The following C1orf94 variants were observed in gnomAD, a reference collection of about 807,000 sequenced individuals.
C1orf94 encodes chromosome 1 open reading frame 94, also known as uncharacterized protein C1orf94.
Under a neutral mutation model 53.6 loss-of-function variants are expected in C1orf94, and 45 were observed. The ratio of observed to expected loss-of-function variants is 0.84; its 90% CI spans 0.66 to 1.08. C1orf94 has a LOEUF of 1.08. Ranked by LOEUF, C1orf94 falls within the 50% of genes least tolerant of loss-of-function variation. The pLI is 0.00. For missense variants in C1orf94, 762 were observed against 738.9 expected (o/e 1.03, Z -0.36); for synonymous variants, 304 against 296.1 (o/e 1.03, Z -0.27).
chr1:34,187,827 C>G (rs1260277538), intron 1 of C1orf94, among the ~76,000 whole-genome samples: 8 of 139,370 alleles, frequency 5.7e-5, no homozygotes, highest in Non-Finnish European at 9.2e-5. Context: ...CCCAACTCAC[C>G]TGTTCCCTGG....
At chr1:34,185,301 T>C (rs1056428454) in intron 1 of C1orf94, among the ~76,000 whole-genome samples, 4 of 152,182 alleles carry the variant, frequency 2.6e-5, no homozygotes, top group Non-Finnish European at 4.4e-5. Flanking sequence ...TGCCTCAGCC[T>C]CCCAAGTAGC....
rs747103106 is a variant in C1orf94 at position 34,202,259 on chromosome 1, G to A, written c.1446G>A (p.Gln482=). Residue 482 remains glutamine (Q), a splice_region_variant and synonymous_variant, in exon 4 of 7, where the codon CAG becomes CAA. Transcript: ENST00000488417. ...ATCACTCTACCTTCTTGCAGTATCA[G>A]GTCAGTGAGCTGGCCTGGCTCTCCT... The part of the protein sequence containing the change: ...FTNHSTFLQY[Q]GLYPQQAARM... 1 of 1,613,924 alleles carries A rather than the reference G, an allele frequency of 6.2e-7. No individual in the cohort carries two copies. The highest frequency in any genetic ancestry group is 1.7e-5 in the Admixed American group (1 of 59,992).
chr1:34,182,554 A>G (rs892678503), intron 1 of C1orf94, among the ~76,000 whole-genome samples: 51 of 152,156 alleles, frequency 3.4e-4, no homozygotes, highest in African/African-American at 1.1e-3. Context: ...TAATGGTGGC[A>G]GTGGCTGGGT....
At chr1:34,214,109 C>A (rs1277923107) in intron 6 of C1orf94, among the ~76,000 whole-genome samples, 1 of 152,186 alleles carries the variant, frequency 6.6e-6, no homozygotes, top group Non-Finnish European at 1.5e-5. Context: ...AATGTTAGTG[C>A]CCTGGCAAAG....
At chr1:34,191,547 G>A (rs1454555832) in intron 1 of C1orf94, among the ~76,000 whole-genome samples, 1 of 152,132 alleles carries the variant, frequency 6.6e-6, no homozygotes, top group Non-Finnish European at 1.5e-5. Flanking sequence ...CCAAAGCCAT[G>A]AGGTCAGTCT....
rs371920776 is a variant in C1orf94 at position 34,197,480 on chromosome 1, C to T, written c.576C>T (p.Pro192=). The stretch of plus-strand genomic sequence containing the variant: ...TTCTGAAGCAGAAGGTGGCCATGCC[C>T]GTTATCAGCAGCAGGCAGGACTGTG... ...DKLLKQKVAM[P]VISSRQDCDS... Residue 192 remains proline, a synonymous_variant, in exon 2 of 7, where the codon CCC becomes CCT. Transcript: ENST00000488417. This position sits in a 1 kb window ranked among gnomAD's most constrained non-coding sequence, Gnocchi z 4.1. The T allele has an allele frequency of 3.0e-5, 48 of 1,613,966 alleles. No individual in the cohort carries two copies. Among genetic ancestry groups the T allele is most frequent in the Non-Finnish European group, 3.4e-5 (40 of 1,180,018 alleles).
chr1:34,188,518 C>T (rs534690376), intron 1 of C1orf94, among the ~76,000 whole-genome samples: 8 of 152,052 alleles, frequency 5.3e-5, no homozygotes, highest in Non-Finnish European at 1.0e-4. Context: ...CCGAGGTCTC[C>T]GTGATTCCCC....
In C1orf94 at chr1:34,202,232, G is replaced by C. The variant is rs564773544; in HGVS notation, c.1419G>C (p.Thr473=). The change falls in exon 4 of 7, where the codon ACG becomes ACC. Residue 473 remains threonine (T), a synonymous_variant. Coordinates refer to ENST00000488417, the MANE Select transcript of C1orf94 (RefSeq NM_001134734.2). ...ACTATCCACCTCCACCAGTGTTCAC[G>C]AATCACTCTACCTTCTTGCAGTATC... is the stretch of plus-strand genomic sequence containing the variant. The part of the protein sequence containing the change: ...NLNYPPPPVF[T]NHSTFLQYQG... 6.2e-7 allele frequency: 1 copy of C among 1,614,154 alleles called. No homozygotes were observed. The highest frequency in any genetic ancestry group is 8.5e-7 in the Non-Finnish European group (1 of 1,180,014).
At position 34,212,247 on chromosome 1, in the gene C1orf94, T is replaced by C; in HGVS notation, c.1562T>C (p.Ile521Thr). The change falls in exon 6 of 7, where the codon ATC becomes ACC. Residue 521 changes from isoleucine to threonine, a missense_variant. Physicochemically the swap from Ile to Thr is moderately conservative, Grantham distance 89 (BLOSUM62 -1). Coordinates refer to ENST00000488417, the MANE Select transcript of C1orf94 (RefSeq NM_001134734.2). ...AACCCACAGCAGATGGGACAGCAGA[T>C]CTTCCGCTCTTCCTACACCCCTCTG... is the stretch of plus-strand genomic sequence containing the variant. ...PYNPQQMGQQ[I>T]FRSSYTPLLS... 6.2e-7 allele frequency: 1 copy of C among 1,613,134 alleles called. No homozygotes were observed. Among genetic ancestry groups the C allele is most frequent in the South Asian group, 1.1e-5 (1 of 90,952 alleles).
At chr1:34,212,604 TG>T (rs1186144672) in intron 6 of C1orf94, among the ~76,000 whole-genome samples, 198 bp downstream of exon 6, 1 of 152,138 alleles carries the variant, frequency 6.6e-6, no homozygotes, top group Non-Finnish European at 1.5e-5. Context: ...TGGGGCCTGG[TG>T]GGCCCCTTTT....
Position 34,202,263 on chromosome 1 carries a change from A to C in C1orf94, c.1446+4A>C. 1 of 1,613,762 alleles carries C rather than the reference A, an allele frequency of 6.2e-7. No individual in the cohort carries two copies. Among genetic ancestry groups the C allele is most frequent in the Non-Finnish European group, 8.5e-7 (1 of 1,179,814 alleles). ...CTCTACCTTCTTGCAGTATCAGGTCAGTGAGCTGGCCTGGCTCTCCTGTGG... is the reference window on the plus strand; with the variant it reads ...CTCTACCTTCTTGCAGTATCAGGTCCGTGAGCTGGCCTGGCTCTCCTGTGG... On this transcript the variant is annotated splice_donor_region_variant and intron_variant, in intron 4 of 6. Transcript: ENST00000488417.
At position 34,178,020 on chromosome 1, in the gene C1orf94, T is replaced by G; in HGVS notation, c.231T>G (p.Pro77=). 1 of 1,551,730 alleles carries G rather than the reference T, an allele frequency of 6.4e-7. No individual in the cohort carries two copies. Among genetic ancestry groups the G allele is most frequent in the Non-Finnish European group, 8.7e-7 (1 of 1,146,998 alleles). The change falls in exon 1 of 7, where the codon CCT becomes CCG. Residue 77 remains proline (P), a synonymous_variant. Transcript: ENST00000488417. ...HEIWKRVQGL[P]EASQPWTSME... The stretch of plus-strand genomic sequence containing the variant: ...TCTGGAAGAGAGTTCAAGGCCTGCC[T>G]GAGGCCTCACAGCCCTGGACCTCCA...
intron 4 of C1orf94, among the ~76,000 whole-genome samples, chr1:34,207,099 G>A (rs1642807946): frequency 6.6e-6 from 1 of 152,184 alleles, no homozygotes; most frequent in African/African-American, 2.4e-5. Context: ...AAGCTGAGCT[G>A]AGAATGGAGG....
chr1:34,200,841 G>A lies in C1orf94; in HGVS notation c.1079G>A (p.Ser360Asn), dbSNP rs1157343620. 2.5e-6 allele frequency: 4 copies of A among 1,614,206 alleles called. No homozygotes were observed. The highest frequency in any genetic ancestry group is 2.2e-5 in the East Asian group (1 of 44,886). ...CTCTTTCTCAGCCAGTGGCCCCAGA[G>A]CCAGAAGGACGCCTGTGGTGAGGAG... ...GSLFLSQWPQ[S>N]QKDACGEEGC... The change falls in exon 3 of 7, where the codon AGC becomes AAC. Residue 360 changes from serine (S) to asparagine (N), a missense_variant. Ser to Asn is a conservative substitution (Grantham distance 46, BLOSUM62 1). Coordinates refer to ENST00000488417, the MANE Select transcript of C1orf94 (RefSeq NM_001134734.2).
chr1:34,184,793 G>C (rs913527838), intron 1 of C1orf94, among the ~76,000 whole-genome samples: 1 of 152,070 alleles, frequency 6.6e-6, no homozygotes, highest in African/African-American at 2.4e-5. Context: ...GACTTCTCTG[G>C]AAAAGTTGCT....
chr1:34,182,877 G>A (rs947777403), intron 1 of C1orf94, among the ~76,000 whole-genome samples: 16 of 152,108 alleles, frequency 1.1e-4, no homozygotes, highest in African/African-American at 1.9e-4. Flanking sequence ...ATGTCTTTCC[G>A]GCAAAAGGGT....
At chr1:34,200,724 A>G (rs1342913384) in intron 2 of C1orf94, 48 bp from the exon 3 acceptor site, 1 of 1,607,860 alleles carries the variant, frequency 6.2e-7, no homozygotes, top group South Asian at 1.1e-5. Context: ...TCCAGCATCC[A>G]GCACTTGGCC....
rs565319131 is a variant in C1orf94, at chr1:34,201,433, G to A, written c.1270+401G>A. On this transcript the variant is annotated intron_variant, in intron 3 of 6. Transcript: ENST00000488417. ...TCTTTTCCCAAAAGGATGCCAATAA[G>A]GGGAAACTGAGGACCCATTTCTGAT... 7.2e-5 allele frequency among the ~76,000 whole-genome samples: 11 copies of A among 152,268 alleles called. 1 individual carries two copies. The highest frequency in any genetic ancestry group is 2.6e-4 in the African/African-American group (11 of 41,552).
At chr1:34,196,374 T>TGAATCAGTGCAG (rs1234074342) in intron 1 of C1orf94, among the ~76,000 whole-genome samples, 1 of 152,100 alleles carries the variant, frequency 6.6e-6, no homozygotes, top group Non-Finnish European at 1.5e-5. Flanking sequence ...AAGATCCTGG[T>TGAATCAGTGCAG]GAATCAGTGC....
Sources: gnomAD v4.1 joint callset for allele counts (sites outside exome capture counted in the v4.1 genomes callset) on GRCh38, gnomAD v4.1.1 for gene constraint, Gnocchi (gnomAD v3.1) non-coding constraint, MANE v1.5 for transcripts, NCBI Gene and HGNC (gene_info 2026-07-23, HGNC 2026-07-21) for gene names.